The following SH3GL3 variants were observed in gnomAD, a reference collection of about 807,000 sequenced individuals.
The protein encoded by SH3GL3 is endophilin-A3.
In SH3GL3, 33 loss-of-function variants were observed where a neutral mutation model predicts 47.7. That is an observed-to-expected ratio of 0.69 (90% confidence interval 0.52 to 0.92). SH3GL3 has a LOEUF of 0.92. Among genes scored for constraint, SH3GL3 ranks in the 40% least tolerant of loss-of-function variants. SH3GL3 has a pLI of 0.00. For missense variants in SH3GL3, 363 were observed against 417.8 expected, an observed-to-expected ratio of 0.87 and a Z score of 1.14; for synonymous variants, 155 against 148.8, an observed-to-expected ratio of 1.04 and a Z score of -0.30.
intron 6 of SH3GL3, among the ~76,000 whole-genome samples, chr15:83,582,679 A>G (rs1255165463): frequency 6.6e-6 from 1 of 152,338 alleles, no homozygotes; most frequent in Non-Finnish European, 1.5e-5. Flanking sequence ...AATGTGTGGA[A>G]TAAGATGCAT....
intron 1 of SH3GL3, among the ~76,000 whole-genome samples, chr15:83,556,931 A>C (rs903103730): frequency 6.6e-6 from 1 of 152,148 alleles, no homozygotes; most frequent in Non-Finnish European, 1.5e-5. Flanking sequence ...GTGGTCTTTC[A>C]TTCTCCAACA....
chr15:83,592,953 C>G (rs1435226615), intron 8 of SH3GL3, among the ~76,000 whole-genome samples: 3 of 151,992 alleles, frequency 2.0e-5, no homozygotes, highest in African/African-American at 7.2e-5. Context: ...AAAAACAGTT[C>G]TGGGGCCTCA....
At chr15:83,562,298 G>T (rs1245925866) in intron 2 of SH3GL3, among the ~76,000 whole-genome samples, 1 of 152,096 alleles carries the variant, frequency 6.6e-6, no homozygotes, top group East Asian at 1.9e-4. Flanking sequence ...CAAGGTACCT[G>T]CAAGTTTTTG....
At chr15:83,595,221 G>T (rs2060207739) in intron 8 of SH3GL3, among the ~76,000 whole-genome samples, 1 of 152,164 alleles carries the variant, frequency 6.6e-6, no homozygotes, top group African/African-American at 2.4e-5. Context: ...TGGAGCTGGA[G>T]ACCATGATCC....
At chr15:83,562,032 CACACACA>C (rs2045306498) in intron 2 of SH3GL3, among the ~76,000 whole-genome samples, 1 of 16,460 alleles carries the variant, frequency 6.1e-5, no homozygotes, top group Non-Finnish European at 1.7e-4. Context: ...ACACACACAA[CACACACA>C]CACACACACA....
intron 1 of SH3GL3, among the ~76,000 whole-genome samples, chr15:83,481,135 C>T (rs570847705): frequency 2.0e-4 from 30 of 152,028 alleles, no homozygotes; most frequent in African/African-American, 3.9e-4. Context: ...AATTAGCGGG[C>T]GTGGTGGCAG....
At chr15:83,551,656 T>C (rs1313810368) in intron 1 of SH3GL3, among the ~76,000 whole-genome samples, 1 of 152,198 alleles carries the variant, frequency 6.6e-6, no homozygotes, top group Non-Finnish European at 1.5e-5. Flanking sequence ...AAGTCTCCAT[T>C]GTCCCCAGAA....
At chr15:83,525,379 T>TGTG (rs1555488733) in intron 1 of SH3GL3, among the ~76,000 whole-genome samples, 2 of 151,320 alleles carry the variant, frequency 1.3e-5, no homozygotes, top group African/African-American at 2.4e-5. Flanking sequence ...TGTGTGTGTG[T>TGTG]TTTGCTGTGG....
chr15:83,529,565 G>A (rs1343226253), intron 1 of SH3GL3, among the ~76,000 whole-genome samples: 2 of 152,086 alleles, frequency 1.3e-5, no homozygotes, highest in African/African-American at 2.4e-5. Flanking sequence ...CTCAAGTCAG[G>A]GGTGGTTGTG....
chr15:83,587,525 TAAAAA>T (rs35935527), intron 7 of SH3GL3, among the ~76,000 whole-genome samples: 2 of 105,032 alleles, frequency 1.9e-5, no homozygotes, highest in Non-Finnish European at 3.7e-5. Context: ...TAAATATCTG[TAAAAA>T]AAAAAAAAAA....
In SH3GL3 at chr15:83,576,807, A is replaced by G. The variant is rs1364895261; in HGVS notation, c.624+66A>G. On this transcript the variant is annotated intron_variant, in intron 6 of 8. Coordinates refer to ENST00000427482, the MANE Select transcript of SH3GL3 (RefSeq NM_003027.5). Reference sequence around the variant, plus strand: ...ATGAAACATTGAATATATGACTATGATCGGCATGTTGAAAAACTCTAAAGC... The same window carrying G: ...ATGAAACATTGAATATATGACTATGGTCGGCATGTTGAAAAACTCTAAAGC... The G allele has an allele frequency of 1.1e-4, 129 of 1,181,500 alleles. 4 individuals carry two copies. The South Asian group carries it at 1.7e-3, about 15-fold the overall frequency. The allele number at this position is 1,181,500 out of a possible 1,614,324, so 73.2% of individuals were successfully genotyped here.
chr15:83,493,115 G>T (rs975781605), intron 1 of SH3GL3, among the ~76,000 whole-genome samples: 5 of 152,158 alleles, frequency 3.3e-5, no homozygotes, highest in African/African-American at 1.2e-4. Context: ...AGGTTTGATT[G>T]TTGTTTCTTG....
intron 8 of SH3GL3, among the ~76,000 whole-genome samples, chr15:83,606,929 A>G (rs1431994580): frequency 6.6e-6 from 1 of 152,264 alleles, no homozygotes; most frequent in African/African-American, 2.4e-5. Context: ...AAAATGTTTT[A>G]AAAATTAAAG....
At chr15:83,598,890 C>G (rs945408701) in intron 8 of SH3GL3, among the ~76,000 whole-genome samples, 11 of 152,128 alleles carry the variant, frequency 7.2e-5, no homozygotes, top group African/African-American at 2.7e-4. Context: ...GTCTCTATAG[C>G]ATGTGGTACT....
intron 1 of SH3GL3, among the ~76,000 whole-genome samples, chr15:83,474,631 G>T (rs887792870): frequency 6.6e-6 from 1 of 152,044 alleles, no homozygotes; most frequent in African/African-American, 2.4e-5. Context: ...CCATAGCTTG[G>T]CCAGTATTTG....
intron 1 of SH3GL3, among the ~76,000 whole-genome samples, chr15:83,517,452 T>C (rs2043032854): frequency 6.6e-6 from 1 of 152,042 alleles, no homozygotes; most frequent in Non-Finnish European, 1.5e-5. Flanking sequence ...GTAATCCACC[T>C]GCCTCACCCT....
At chr15:83,481,199 C>T (rs758090503) in intron 1 of SH3GL3, among the ~76,000 whole-genome samples, 2 of 150,502 alleles carry the variant, frequency 1.3e-5, no homozygotes, top group Non-Finnish European at 2.9e-5. Context: ...CGCTTGAACC[C>T]GGGAGGCGGA....
At chr15:83,550,587 A>G (rs1165553920) in intron 1 of SH3GL3, among the ~76,000 whole-genome samples, 2 of 152,026 alleles carry the variant, frequency 1.3e-5, no homozygotes, top group South Asian at 4.2e-4. Flanking sequence ...ATGGGGTTTC[A>G]CCATGTTGGC....
intron 1 of SH3GL3, among the ~76,000 whole-genome samples, chr15:83,554,626 G>A (rs2044846986): frequency 6.6e-6 from 1 of 152,114 alleles, no homozygotes; most frequent in Non-Finnish European, 1.5e-5. Flanking sequence ...GACCTCAGGT[G>A]ATCCACCCGC....
Sources: gnomAD v4.1 joint callset for allele counts (sites outside exome capture counted in the v4.1 genomes callset) on GRCh38, gnomAD v4.1.1 for gene constraint, MANE v1.5 for transcripts, NCBI Gene and HGNC (gene_info 2026-07-23, HGNC 2026-07-21) for gene names.